The following CADM1 variants were observed in gnomAD, a reference collection of about 807,000 sequenced individuals.
CADM1 encodes TSLC-1.
In CADM1, 15 loss-of-function variants were observed where a neutral mutation model predicts 53.1. The ratio of observed to expected loss-of-function variants is 0.28; its 90% CI spans 0.19 to 0.44. The LOEUF is 0.44. Ranked by LOEUF, CADM1 falls within the 20% of genes least tolerant of loss-of-function variation. CADM1 has a pLI of 1.00. For synonymous variants in CADM1, 281 were observed against 243.0 expected, an observed-to-expected ratio of 1.16 and a Z score of -1.45; for missense variants, 434 against 611.3, an observed-to-expected ratio of 0.71 and a Z score of 3.06.
intron 1 of CADM1, among the ~76,000 whole-genome samples, chr11:115,460,358 G>A (rs528570374): frequency 6.6e-6 from 1 of 152,198 alleles, no homozygotes; most frequent in South Asian, 2.1e-4. Flanking sequence ...GGTGCTAGAA[G>A]TATGTCACAC....
chr11:115,351,150 C>T (rs771936611), intron 1 of CADM1, among the ~76,000 whole-genome samples: 4 of 151,776 alleles, frequency 2.6e-5, no homozygotes, highest in African/African-American at 7.3e-5. Context: ...AAAGTAAAAG[C>T]GAGTAGTTTT....
At chr11:115,429,780 T>C (rs7943417) in intron 1 of CADM1, among the ~76,000 whole-genome samples, 70,346 of 151,810 alleles carry the variant, frequency 0.46, 17,232 homozygotes, top group South Asian at 0.6. Flanking sequence ...AAATTAGAAG[T>C]AGATAATGTG....
At chr11:115,260,835 G>A (rs576778888) in intron 1 of CADM1, among the ~76,000 whole-genome samples, 1 of 128,800 alleles carries the variant, frequency 7.8e-6, no homozygotes, top group African/African-American at 3.5e-5. Context: ...ACCACCCCCG[G>A]CTAATTTTTT....
intron 1 of CADM1, among the ~76,000 whole-genome samples, chr11:115,447,446 T>C (rs974839472): frequency 6.6e-6 from 1 of 152,202 alleles, no homozygotes; most frequent in African/African-American, 2.4e-5. Flanking sequence ...ATCAGTTTAT[T>C]GCCTCTCAGC....
chr11:115,322,355 C>T (rs1300446979), intron 1 of CADM1, among the ~76,000 whole-genome samples: 1 of 152,162 alleles, frequency 6.6e-6, no homozygotes, highest in Non-Finnish European at 1.5e-5. Flanking sequence ...TATACAGCTG[C>T]CAATGACTTC....
At chr11:115,235,762 G>T (rs1349593406) in intron 3 of CADM1, among the ~76,000 whole-genome samples, 1 of 152,038 alleles carries the variant, frequency 6.6e-6, no homozygotes, top group East Asian at 1.9e-4. Flanking sequence ...TCTTAAGAAC[G>T]AACACTAATC....
intron 1 of CADM1, among the ~76,000 whole-genome samples, chr11:115,313,752 T>C (rs1477040923): frequency 6.6e-6 from 1 of 152,180 alleles, no homozygotes; most frequent in Non-Finnish European, 1.5e-5. Context: ...TCCAGCCTAG[T>C]GCCTGAGGTT....
intron 1 of CADM1, among the ~76,000 whole-genome samples, chr11:115,375,768 G>A (rs1946422272): frequency 1.3e-5 from 2 of 151,372 alleles, no homozygotes; most frequent in South Asian, 4.2e-4. Flanking sequence ...AATAATAATA[G>A]GAAATACTTA....
chr11:115,225,053 C>A (rs748499236), intron 5 of CADM1, among the ~76,000 whole-genome samples: 4 of 152,164 alleles, frequency 2.6e-5, no homozygotes, highest in Non-Finnish European at 4.4e-5. Context: ...AGCTTGGGAG[C>A]ATAATTATTT....
chr11:115,315,845 T>C (rs1944653252), intron 1 of CADM1, among the ~76,000 whole-genome samples: 1 of 152,166 alleles, frequency 6.6e-6, no homozygotes, highest in Admixed American at 6.6e-5. Context: ...TTCTTTCCCA[T>C]TTTAGTTATC....
chr11:115,331,203 C>T (rs1945120446), intron 1 of CADM1, among the ~76,000 whole-genome samples: 1 of 152,114 alleles, frequency 6.6e-6, no homozygotes, highest in Admixed American at 6.5e-5. Flanking sequence ...ATAAGGAAGA[C>T]ATTGTTCATA....
At chr11:115,369,190 A>T (rs1946252098) in intron 1 of CADM1, among the ~76,000 whole-genome samples, 1 of 152,074 alleles carries the variant, frequency 6.6e-6, no homozygotes, top group South Asian at 2.1e-4. Context: ...TAATAGCCCA[A>T]TCTCACTGCA....
chr11:115,369,094 A>C (rs2135119150), intron 1 of CADM1, among the ~76,000 whole-genome samples: 1 of 150,468 alleles, frequency 6.6e-6, no homozygotes, highest in Non-Finnish European at 1.5e-5. Flanking sequence ...AATCCTAAAA[A>C]CGGAAGCCTC....
rs1335796684 is a variant in CADM1 at position 115,173,077 on chromosome 11, C to T, written c.*3397G>A. 1 of 152,256 alleles carries T rather than the reference C, an allele frequency of 6.6e-6. No individual in the cohort carries two copies. The highest frequency in any genetic ancestry group is 6.5e-5 in the Admixed American group (1 of 15,286). The allele number at this position is 152,256 out of a possible 1,614,324, so 9.4% of individuals were successfully genotyped here. On this transcript the variant is annotated 3_prime_UTR_variant, in exon 12 of 12. Transcript: ENST00000331581. The stretch of plus-strand genomic sequence containing the variant: ...TACCCAGGCCTGGAAGTCTCAGCAA[C>T]CTAAACAGCAAGTGAGAACAATCTT...
intron 1 of CADM1, among the ~76,000 whole-genome samples, chr11:115,491,361 C>T (rs1236831130): frequency 1.3e-5 from 2 of 152,048 alleles, no homozygotes; most frequent in African/African-American, 2.4e-5. Context: ...GTCAGGAGAT[C>T]GAGACCATCC....
Position 115,179,076 on chromosome 11 carries a change from G to A in CADM1, c.1166-301C>T, listed in dbSNP as rs556845831. 626 of 400,226 alleles carry A rather than the reference G, an allele frequency of 1.6e-3. 3 individuals are homozygous for A. Among genetic ancestry groups the A allele is most frequent in the Non-Finnish European group, 2.5e-3 (533 of 209,192 alleles). The allele number at this position is 400,226 out of a possible 1,614,324, so 24.8% of individuals were successfully genotyped here. A position where few individuals can be genotyped will look rare whatever the true frequency, so the allele number is the denominator to read the frequency against. On this transcript the variant is annotated intron_variant, in intron 10 of 11. Coordinates refer to ENST00000331581, the MANE Select transcript of CADM1 (RefSeq NM_001301043.2). ...TATCCGGCCCTGACCTAGTCTTAGC[G>A]TTCACTCTGTCTGTATCCAGTTGCA...
chr11:115,462,348 C>G (rs529038021), intron 1 of CADM1, among the ~76,000 whole-genome samples: 1 of 152,176 alleles, frequency 6.6e-6, no homozygotes, highest in Non-Finnish European at 1.5e-5. Context: ...AAGGAACCGC[C>G]TTGCATATCA....
chr11:115,364,874 A>C (rs999993150), intron 1 of CADM1, among the ~76,000 whole-genome samples: 1 of 152,234 alleles, frequency 6.6e-6, no homozygotes, highest in African/African-American at 2.4e-5. Flanking sequence ...ACCTCATTTA[A>C]TAACAGTTTT....
At chr11:115,227,156 G>T (rs997341625) in intron 5 of CADM1, among the ~76,000 whole-genome samples, 1 of 152,146 alleles carries the variant, frequency 6.6e-6, no homozygotes, top group Non-Finnish European at 1.5e-5. Context: ...AGTATCAATT[G>T]GTGCATCCTT....
Sources: gnomAD v4.1 joint callset for allele counts (sites outside exome capture counted in the v4.1 genomes callset) on GRCh38, gnomAD v4.1.1 for gene constraint, MANE v1.5 for transcripts, NCBI Gene and HGNC (gene_info 2026-07-23, HGNC 2026-07-21) for gene names.